NALF1: variants seen among roughly 807,000 people sequenced by gnomAD.
NALF1 encodes family with sequence similarity 155 member A.
In NALF1, 3 loss-of-function variants were observed where a neutral mutation model predicts 48.4. The observed-to-expected ratio is 0.06, with a 90% confidence interval of 0.03 to 0.16. The LOEUF (loss-of-function observed/expected upper bound fraction) is 0.16. Ranked by LOEUF, NALF1 falls within the 10% of genes least tolerant of loss-of-function variation. The pLI is 1.00. For synonymous variants in NALF1, 262 were observed against 245.7 expected (o/e 1.07, Z -0.62); for missense variants, 526 against 571.5 (o/e 0.92, Z 0.81).
chr13:107,392,177 T>C (rs1883637651), intron 1 of NALF1, among the ~76,000 whole-genome samples: 1 of 152,064 alleles, frequency 6.6e-6, no homozygotes, highest in Admixed American at 6.6e-5. Flanking sequence ...ATTGGACCCT[T>C]AGGAAGGACA....
intron 1 of NALF1, among the ~76,000 whole-genome samples, chr13:107,267,300 A>T (rs9558985): frequency 3.9e-5 from 6 of 152,100 alleles, no homozygotes; most frequent in Middle Eastern, 3.4e-3. Context: ...ATTGGACCAA[A>T]GAGGTACAGT....
intron 1 of NALF1, among the ~76,000 whole-genome samples, chr13:107,228,506 A>G (rs565527675): frequency 1.1e-4 from 16 of 152,330 alleles, no homozygotes; most frequent in African/African-American, 3.8e-4. Flanking sequence ...ACCACTCACA[A>G]TGCTCCGTTG....
At chr13:107,346,814 A>G (rs982815233) in intron 1 of NALF1, among the ~76,000 whole-genome samples, 2 of 152,240 alleles carry the variant, frequency 1.3e-5, no homozygotes, top group African/African-American at 4.8e-5. Context: ...CCACAGCCAC[A>G]TGAGGACAAT....
chr13:107,223,860 A>G (rs535672471), intron 1 of NALF1, among the ~76,000 whole-genome samples: 1 of 152,234 alleles, frequency 6.6e-6, no homozygotes, highest in Non-Finnish European at 1.5e-5. Flanking sequence ...TTAGGGCACA[A>G]AACTCTAGGA....
chr13:107,703,803 T>A (rs948327811), intron 1 of NALF1, among the ~76,000 whole-genome samples: 2 of 152,296 alleles, frequency 1.3e-5, no homozygotes, highest in East Asian at 3.9e-4. Context: ...TCCTGCCCTG[T>A]CCGTGAAACC....
chr13:107,368,363 C>A (rs1157491813), intron 1 of NALF1, among the ~76,000 whole-genome samples: 2 of 149,914 alleles, frequency 1.3e-5, no homozygotes, highest in Admixed American at 1.3e-4. Context: ...GTTGCCCAGG[C>A]TGGAGTGCAA....
At chr13:107,741,059 C>T (rs1455803545) in intron 1 of NALF1, among the ~76,000 whole-genome samples, 1 of 152,124 alleles carries the variant, frequency 6.6e-6, no homozygotes, top group Admixed American at 6.6e-5. Flanking sequence ...CATTGATTCT[C>T]TTGTTTGGTA....
chr13:107,787,665 A>T (rs1297159879), intron 1 of NALF1, among the ~76,000 whole-genome samples: 1 of 152,244 alleles, frequency 6.6e-6, no homozygotes, highest in Non-Finnish European at 1.5e-5. Context: ...TAAATGATTA[A>T]GTACAATTAA....
chr13:107,194,236 T>C (rs1879346379), intron 2 of NALF1, among the ~76,000 whole-genome samples: 1 of 152,168 alleles, frequency 6.6e-6, no homozygotes, highest in South Asian at 2.1e-4. Flanking sequence ...GAAGATGTAA[T>C]GAGATCATTC....
rs898214340 is a variant in NALF1 at position 107,589,223 on chromosome 13, T to C, written c.915+276459A>G. On this transcript the variant is annotated intron_variant, in intron 1 of 2. Coordinates refer to ENST00000375915, the MANE Select transcript of NALF1 (RefSeq NM_001080396.3). ...ACATTTTTTATGAATACTGGCTCAC[T>C]CGGAGTTTTTAGAAAAATCAAGAAG... 1.9e-4 allele frequency among the ~76,000 whole-genome samples: 29 copies of C among 152,084 alleles called. 1 individual carries two copies. The highest frequency in any genetic ancestry group is 1.4e-3 in the Admixed American group (21 of 15,228).
At chr13:107,589,174 T>C (rs1252772792) in intron 1 of NALF1, among the ~76,000 whole-genome samples, 2 of 152,066 alleles carry the variant, frequency 1.3e-5, no homozygotes, top group African/African-American at 4.8e-5. Flanking sequence ...ATTGTTTATC[T>C]TGTGTCCTTT....
At chr13:107,792,786 A>T (rs1424539896) in intron 1 of NALF1, among the ~76,000 whole-genome samples, 1 of 151,788 alleles carries the variant, frequency 6.6e-6, no homozygotes, top group East Asian at 1.9e-4. Flanking sequence ...TACACTTTTT[A>T]AGCTTAATTC....
intron 1 of NALF1, among the ~76,000 whole-genome samples, chr13:107,379,051 C>T (rs1267089732): frequency 1.3e-5 from 2 of 152,134 alleles, no homozygotes; most frequent in East Asian, 3.9e-4. Context: ...AAATCACTAA[C>T]ACTATTTATT....
chr13:107,447,011 T>G (rs1363800726), intron 1 of NALF1, among the ~76,000 whole-genome samples: 1 of 152,198 alleles, frequency 6.6e-6, no homozygotes, highest in Admixed American at 6.5e-5. Context: ...AGACATCAAA[T>G]AAATATTTGT....
At chr13:107,417,109 G>A (rs1566333772) in intron 1 of NALF1, among the ~76,000 whole-genome samples, 1 of 152,124 alleles carries the variant, frequency 6.6e-6, no homozygotes, top group Non-Finnish European at 1.5e-5. Flanking sequence ...TGTGGATCTG[G>A]GACACAATGC....
At chr13:107,671,141 A>T (rs936969079) in intron 1 of NALF1, among the ~76,000 whole-genome samples, 1 of 152,188 alleles carries the variant, frequency 6.6e-6, no homozygotes, top group African/African-American at 2.4e-5. Context: ...ATTATTTAAA[A>T]CAATGAATAA....
intron 1 of NALF1, among the ~76,000 whole-genome samples, chr13:107,783,049 G>A (rs1469487372): frequency 2.1e-5 from 3 of 142,012 alleles, no homozygotes; most frequent in Non-Finnish European, 4.6e-5. Context: ...CAGCCGCCCC[G>A]ACCGGGAGGG....
rs1002417455 is a variant in NALF1, at chr13:107,314,901, T to C, written c.916-104146A>G. 2.6e-5 allele frequency among the ~76,000 whole-genome samples: 4 copies of C among 152,150 alleles called. No homozygotes were observed. The East Asian group carries it at 5.8e-4, about 22-fold the overall frequency. On this transcript the variant is annotated intron_variant, in intron 1 of 2. Transcript: ENST00000375915. Reference sequence around the variant, plus strand: ...AAATAGTGGAATCCAAGCCATAAAGTTGTCATCTGGTGGTGGTGGAATGAG... The same window carrying C: ...AAATAGTGGAATCCAAGCCATAAAGCTGTCATCTGGTGGTGGTGGAATGAG...
At chr13:107,282,087 G>A (rs535900171) in intron 1 of NALF1, among the ~76,000 whole-genome samples, 3 of 152,276 alleles carry the variant, frequency 2.0e-5, no homozygotes, top group East Asian at 1.9e-4. Context: ...GTGCCTGCAT[G>A]AGCAACAAGG....
Sources: gnomAD v4.1 joint callset for allele counts (sites outside exome capture counted in the v4.1 genomes callset) on GRCh38, gnomAD v4.1.1 for gene constraint, MANE v1.5 for transcripts, NCBI Gene and HGNC (gene_info 2026-07-23, HGNC 2026-07-21) for gene names.